The following SLC6A14 variants were observed in gnomAD, a reference collection of about 807,000 sequenced individuals.
SLC6A14 encodes solute carrier family 6 member 14.
A neutral mutation model predicts 51.4 loss-of-function variants in SLC6A14; 21 were observed. The ratio of observed to expected loss-of-function variants is 0.41; its 90% CI spans 0.29 to 0.59. The LOEUF (loss-of-function observed/expected upper bound fraction) is 0.59, where lower values mean the gene tolerates loss of function less well. SLC6A14 is among the 20% of genes least tolerant of loss of function. SLC6A14 has a pLI of 0.31. For missense variants in SLC6A14, 371 were observed against 472.8 expected (o/e 0.78, Z 2.00); for synonymous variants, 177 against 160.7 (o/e 1.10, Z -0.77).
rs1556694726 is a variant in SLC6A14, at chrX:116,455,390, T to C, written c.1538T>C (p.Met513Thr). The C allele has an allele frequency of 9.1e-6, 11 of 1,207,158 alleles. No individual in the cohort carries two copies. Among genetic ancestry groups the C allele is most frequent in the Non-Finnish European group, 1.2e-5 (11 of 892,267 alleles). Residue 513 changes from methionine (M) to threonine (T), a missense_variant, in exon 12 of 14, where the codon ATG becomes ACG. Coordinates refer to ENST00000598581, the MANE Select transcript of SLC6A14 (RefSeq NM_007231.5). ...GNRFIEDTEM[M>T]IGAKRWIFWL... is the part of the protein sequence containing the mutation. ...AGATTCATTGAGGATACAGAAATGATGATTGGAGCAAAGAGGTGGATATTC... is the reference window on the plus strand; with the variant it reads ...AGATTCATTGAGGATACAGAAATGACGATTGGAGCAAAGAGGTGGATATTC...
At chrX:116,445,079 T>C (rs1556693917) in intron 6 of SLC6A14, 29 bp downstream of exon 6, 1 of 1,135,483 alleles carries the variant, frequency 8.8e-7, no homozygotes, top group Non-Finnish European at 1.2e-6. Flanking sequence ...TAGATAGCGA[T>C]ATAGCAGCTT....
At chrX:116,445,457 GGA>G (rs4068397) in intron 6 of SLC6A14, among the ~76,000 whole-genome samples, 4,466 of 66,705 alleles carry the variant, frequency 0.067, 143 homozygotes, top group African/African-American at 0.087. Context: ...TCCCCTAGTC[GGA>G]GAGAGAGAGA....
Position 116,437,944 on chromosome X carries a change from G to A in SLC6A14, c.203G>A (p.Ser68Asn), listed in dbSNP as rs782345629. ...NVWRFPYLTY[S>N]NGGGAFLIPY... ...TGGAGATTTCCATATCTGACCTACAGCAATGGTGGAGGTATTCTATTTCAC... is the reference window on the plus strand; with the variant it reads ...TGGAGATTTCCATATCTGACCTACAACAATGGTGGAGGTATTCTATTTCAC... Residue 68 changes from serine to asparagine, a missense_variant, in exon 2 of 14, where the codon AGC (serine) becomes AAC (asparagine). Coordinates refer to ENST00000598581, the MANE Select transcript of SLC6A14 (RefSeq NM_007231.5). 2 of 1,202,933 alleles carry A rather than the reference G, an allele frequency of 1.7e-6. No individual in the cohort carries two copies.
Position 116,453,137 on chromosome X carries a change from C to T in SLC6A14, c.1280C>T (p.Ser427Leu), listed in dbSNP as rs1185066069. ...LTLGLDSQFA[S>L]IETITTTIQD... ...TTGGGTCTCGATTCTCAGTTTGCTT[C>T]GATTGGTAAGTAATACTTCCAGTGG... Residue 427 changes from serine (S) to leucine (L), a missense_variant, in exon 9 of 14, where the codon TCG becomes TTG. Ser to Leu is a moderately radical substitution (Grantham distance 145). Transcript: ENST00000598581. 8.4e-7 allele frequency: 1 copy of T among 1,196,589 alleles called. No individual in the cohort carries two copies. The highest frequency in any genetic ancestry group is 2.2e-5 in the Admixed American group (1 of 44,603).
chrX:116,452,940 T>C (rs1927850710), intron 8 of SLC6A14, 77 bp from the exon 9 acceptor site: 4 of 845,018 alleles, frequency 4.7e-6, no homozygotes, highest in Non-Finnish European at 6.4e-6. Context: ...GAGATTTTTC[T>C]AATATCTTAT....
chrX:116,446,672 T>C, intron 6 of SLC6A14, 69 bp from the exon 7 acceptor site: 1 of 838,218 alleles, frequency 1.2e-6, no homozygotes, highest in Non-Finnish European at 1.7e-6. Context: ...CTAATAATTT[T>C]ACTTGTATAC....
chrX:116,445,235 AAAAC>A (rs1231023791), intron 6 of SLC6A14, among the ~76,000 whole-genome samples, 185 bp downstream of exon 6: 3 of 110,244 alleles, frequency 2.7e-5, no homozygotes, highest in African/African-American at 3.3e-5. Context: ...TGCTAAATAC[AAAAC>A]AAACAAACAA....
intron 6 of SLC6A14, among the ~76,000 whole-genome samples, chrX:116,445,560 C>T (rs1316490645): frequency 3.7e-5 from 4 of 109,239 alleles, no homozygotes; most frequent in African/African-American, 6.7e-5. Flanking sequence ...TATATATACA[C>T]ACAAACTATA....
At chrX:116,447,903 C>CT (rs1336518389) in intron 7 of SLC6A14, among the ~76,000 whole-genome samples, 1 of 111,644 alleles carries the variant, frequency 9.0e-6, no homozygotes, top group Non-Finnish European at 1.9e-5. Flanking sequence ...GGCCCTTTCA[C>CT]TTTTTTACTA....
chrX:116,442,664 T>G (rs1237222603), intron 3 of SLC6A14, 23 bp from the exon 4 acceptor site: 3 of 1,095,398 alleles, frequency 2.7e-6, no homozygotes, highest in Non-Finnish European at 3.6e-6. Context: ...TGGTTTTTAT[T>G]TTAATTGTTC....
At chrX:116,454,711 A>G (rs188086148) in intron 10 of SLC6A14, among the ~76,000 whole-genome samples, 1 of 111,605 alleles carries the variant, frequency 9.0e-6, no homozygotes, top group African/African-American at 3.2e-5. Flanking sequence ...CAGCCACTTC[A>G]GAACATACAG....
intron 2 of SLC6A14, among the ~76,000 whole-genome samples, chrX:116,439,699 A>T: frequency 9.0e-6 from 1 of 111,353 alleles, no homozygotes; most frequent in East Asian, 2.8e-4. Flanking sequence ...CGGCTGGTAA[A>T]GCTTGTTTAT....
chrX:116,451,698 T>C (rs781989702), intron 8 of SLC6A14, 28 bp downstream of exon 8: 30 of 885,881 alleles, frequency 3.4e-5, no homozygotes, highest in Non-Finnish European at 4.6e-5. Flanking sequence ...TTATCAACTT[T>C]GATTAATTCA....
At chrX:116,453,853 G>A (rs1270596824) in intron 9 of SLC6A14, among the ~76,000 whole-genome samples, 1 of 110,662 alleles carries the variant, frequency 9.0e-6, no homozygotes, top group Non-Finnish European at 1.9e-5. Context: ...GACTTTTCTG[G>A]TTGACTTTCA....
intron 12 of SLC6A14, among the ~76,000 whole-genome samples, chrX:116,456,978 C>G (rs1401833131): frequency 8.9e-6 from 1 of 111,830 alleles, no homozygotes; most frequent in African/African-American, 3.2e-5. Flanking sequence ...ATTGCCTAAG[C>G]AGATATTGAG....
At chrX:116,453,999 A>G (rs1239305411) in intron 9 of SLC6A14, among the ~76,000 whole-genome samples, 2 of 111,429 alleles carry the variant, frequency 1.8e-5, no homozygotes, top group Non-Finnish European at 3.8e-5. Flanking sequence ...ACTGATTCAA[A>G]TATTTACCTT....
At chrX:116,455,111 A>G in intron 11 of SLC6A14, 35 bp downstream of exon 11, 3 of 997,656 alleles carry the variant, frequency 3.0e-6, no homozygotes, top group East Asian at 3.1e-5. Context: ...TTCCAGTTTT[A>G]TTAAAATAGT....
In SLC6A14 at chrX:116,444,934, C is replaced by A; in HGVS notation, c.673C>A (p.Arg225=). The A allele has an allele frequency of 8.3e-7, 1 of 1,209,623 alleles. No homozygotes were observed. The highest frequency in any genetic ancestry group is 1.8e-5 in the South Asian group (1 of 56,897). ...GTGTTTCAGTAAAGTGGCGCTCCAACGGTCAAGTGGAATGAATGAGACTGG... is the reference window on the plus strand; with the variant it reads ...GTGTTTCAGTAAAGTGGCGCTCCAAAGGTCAAGTGGAATGAATGAGACTGG... ...EQYWNKVALQ[R]SSGMNETGVI... The change falls in exon 6 of 14, where the codon CGG becomes AGG. Residue 225 remains arginine (R), a synonymous_variant. Coordinates refer to ENST00000598581, the MANE Select transcript of SLC6A14 (RefSeq NM_007231.5).
chrX:116,450,599 A>G (rs1407323445), intron 7 of SLC6A14, among the ~76,000 whole-genome samples: 3 of 111,987 alleles, frequency 2.7e-5, no homozygotes, highest in Non-Finnish European at 5.6e-5. Flanking sequence ...ATGTCCATCA[A>G]CAGGAGAAAT....
Sources: gnomAD v4.1 joint callset for allele counts (sites outside exome capture counted in the v4.1 genomes callset) on GRCh38, gnomAD v4.1.1 for gene constraint, MANE v1.5 for transcripts, NCBI Gene and HGNC (gene_info 2026-07-23, HGNC 2026-07-21) for gene names.